IDE: variants seen among roughly 807,000 people sequenced by gnomAD.
IDE encodes the protein insulin-degrading enzyme.
Under a neutral mutation model 133.2 loss-of-function variants are expected in IDE, and 58 were observed. That is an observed-to-expected ratio of 0.44 (90% CI 0.35 to 0.54). The LOEUF (loss-of-function observed/expected upper bound fraction) is 0.54, where lower values mean the gene tolerates loss of function less well. Among genes scored for constraint, IDE ranks in the 20% least tolerant of loss-of-function variants. The pLI is 0.00. For missense variants in IDE, 981 were observed against 1,234.0 expected, an observed-to-expected ratio of 0.79 and a Z score of 3.07; for synonymous variants, 396 against 421.3, an observed-to-expected ratio of 0.94 and a Z score of 0.73.
At chr10:92,539,931 G>A (rs140118299) in intron 1 of IDE, among the ~76,000 whole-genome samples, 1 of 151,882 alleles carries the variant, frequency 6.6e-6, no homozygotes, top group Non-Finnish European at 1.5e-5. Flanking sequence ...TCTAAAGAGG[G>A]GTACAAGGAA....
Position 92,508,711 on chromosome 10 carries a change from C to T in IDE, c.1060+17G>A. The T allele has an allele frequency of 1.2e-6, 2 of 1,610,974 alleles. No homozygotes were observed. The highest frequency in any genetic ancestry group is 1.7e-6 in the Non-Finnish European group (2 of 1,177,300). ...AGATGTGGTGGACACTCAGAAGATG[C>T]TGCCCAGGAGACTTACCCTTTGACT... On this transcript the variant is annotated intron_variant, in intron 7 of 24. Transcript: ENST00000265986.
chr10:92,474,975 C>T lies in IDE; in HGVS notation c.1996-14G>A, dbSNP rs1846171702. 8 of 1,577,934 alleles carry T rather than the reference C, an allele frequency of 5.1e-6. No homozygotes were observed. The highest frequency in any genetic ancestry group is 6.9e-6 in the Non-Finnish European group (8 of 1,165,380). On this transcript the variant is annotated splice_polypyrimidine_tract_variant and intron_variant, in intron 16 of 24. Coordinates refer to ENST00000265986, the MANE Select transcript of IDE (RefSeq NM_004969.4). ...AGATCGCATATACTAGTGAAAGAGA[C>T]ATGCGTTCATTAATTTTATAAATCT...
intron 4 of IDE, among the ~76,000 whole-genome samples, chr10:92,519,470 C>T (rs962740164): frequency 6.6e-6 from 1 of 152,210 alleles, no homozygotes; most frequent in Admixed American, 6.5e-5. Context: ...GGGTTGCTCA[C>T]CTACTGTGAC....
chr10:92,556,379 T>C (rs1438213596), intron 1 of IDE, among the ~76,000 whole-genome samples: 1 of 152,036 alleles, frequency 6.6e-6, no homozygotes, highest in Non-Finnish European at 1.5e-5. Flanking sequence ...TCCTAGCACT[T>C]TGAGAGGCTG....
At chr10:92,538,313 C>T (rs868150864) in intron 1 of IDE, among the ~76,000 whole-genome samples, 1 of 151,686 alleles carries the variant, frequency 6.6e-6, no homozygotes, top group Non-Finnish European at 1.5e-5. Flanking sequence ...AGATCTGGAA[C>T]TCGCAGGTCT....
intron 19 of IDE, among the ~76,000 whole-genome samples, chr10:92,466,417 A>G (rs1845690869): frequency 6.6e-6 from 1 of 151,440 alleles, no homozygotes; most frequent in South Asian, 2.1e-4. Context: ...ACTGGGTTCA[A>G]GCAATTCTCT....
intron 4 of IDE, among the ~76,000 whole-genome samples, chr10:92,520,926 T>C (rs1336986198): frequency 6.6e-6 from 1 of 152,196 alleles, no homozygotes; most frequent in African/African-American, 2.4e-5. Context: ...AATGATTACA[T>C]GGACTAAAAT....
chr10:92,508,312 A>C, intron 7 of IDE, 107 bp from the exon 8 acceptor site: 1 of 850,748 alleles, frequency 1.2e-6, no homozygotes, highest in South Asian at 1.6e-5. Context: ...TATCAGAATG[A>C]ACCTCTTGCG....
intron 1 of IDE, among the ~76,000 whole-genome samples, chr10:92,563,219 C>G (rs1196045772): frequency 6.6e-6 from 1 of 152,042 alleles, no homozygotes; most frequent in Non-Finnish European, 1.5e-5. Flanking sequence ...TCATTGCACT[C>G]CAGCCTGGGC....
intron 13 of IDE, among the ~76,000 whole-genome samples, chr10:92,485,121 CTTTCTTTT>C (rs1250154330): frequency 2.0e-5 from 2 of 101,434 alleles, no homozygotes; most frequent in Admixed American, 1.1e-4. Flanking sequence ...TTCTTTCTTT[CTTTCTTTT>C]TTTTTTTTTT....
chr10:92,532,155 T>C (rs1303124976), intron 3 of IDE, among the ~76,000 whole-genome samples: 2 of 151,192 alleles, frequency 1.3e-5, no homozygotes, highest in Non-Finnish European at 2.9e-5. Context: ...TGATAAACAG[T>C]GAAAATTTAA....
At chr10:92,478,769 G>T (rs1456851588) in intron 15 of IDE, 1 of 1,249,724 alleles carries the variant, frequency 8.0e-7, no homozygotes, top group Admixed American at 2.8e-5. Flanking sequence ...GCAATGGAGA[G>T]GATCAGCATA....
Position 92,503,711 on chromosome 10 carries a change from C to T in IDE, c.1430+1083G>A, listed in dbSNP as rs1286635758. ...AAAGATTCTGATAGGATAGTTCTGT[C>T]AAAAAGACTTTTTTTTTTTTTTTTG... is the stretch of plus-strand genomic sequence containing the variant. On this transcript the variant is annotated intron_variant, in intron 11 of 24. Coordinates refer to ENST00000265986, the MANE Select transcript of IDE (RefSeq NM_004969.4). Among the ~76,000 whole-genome samples, 8 of 149,594 alleles carry T rather than the reference C, an allele frequency of 5.3e-5. 1 individual carries two copies. Among genetic ancestry groups the T allele is most frequent in the Non-Finnish European group, 1.2e-4 (8 of 67,522 alleles).
intron 10 of IDE, among the ~76,000 whole-genome samples, 199 bp downstream of exon 10, chr10:92,506,243 T>C (rs1334691366): frequency 6.6e-6 from 1 of 152,136 alleles, no homozygotes; most frequent in African/African-American, 2.4e-5. Context: ...AATAAAAATA[T>C]TACATAAAAT....
chr10:92,479,669 AAGG>A lies in IDE; in HGVS notation c.1740-251_1740-249del, dbSNP rs573596889. On this transcript the variant is annotated intron_variant, in intron 14 of 24. Coordinates refer to ENST00000265986, the MANE Select transcript of IDE (RefSeq NM_004969.4). Reference sequence around the variant, plus strand: ...TGCGTGCGCACTGGTAGTAGTGAAGAAGGAGAAGGAACTGCCTACCCCAGATGG... The same window carrying A: ...TGCGTGCGCACTGGTAGTAGTGAAGAAGAAGGAACTGCCTACCCCAGATGG... 1.1e-4 allele frequency: 40 copies of A among 361,362 alleles called. No homozygotes were observed. In the East Asian group the frequency reaches 1.7e-3, roughly 16 times the overall value. 22.4% of individuals were successfully genotyped at this position (361,362 alleles called of 1,614,324 possible).
At chr10:92,544,839 A>T (rs1249069097) in intron 1 of IDE, among the ~76,000 whole-genome samples, 1 of 152,242 alleles carries the variant, frequency 6.6e-6, no homozygotes, top group Non-Finnish European at 1.5e-5. Context: ...GATTAAATGT[A>T]TAACAGGTTT....
rs1409530515 is a variant in IDE at position 92,475,975 on chromosome 10, T to C, written c.1904A>G (p.Asn635Ser). The C allele has an allele frequency of 6.7e-7, 1 of 1,500,238 alleles. No individual in the cohort carries two copies. Among genetic ancestry groups the C allele is most frequent in the Non-Finnish European group, 9.2e-7 (1 of 1,089,440 alleles). 92.9% of individuals were successfully genotyped at this position (1,500,238 alleles called of 1,614,324 possible). A position where few individuals can be genotyped will look rare whatever the true frequency, so the allele number is the denominator to read the frequency against. The change falls in exon 16 of 25, where the codon AAT becomes AGT. Residue 635 changes from asparagine (N) to serine (S), a missense_variant. By Grantham distance (46) the Asn-to-Ser change is conservative (BLOSUM62 1). Transcript: ENST00000265986. ...YGMYLSVKGY[N>S]DKQPILLKKI... ...CTTTAGTAAAATTGGCTGCTTGTCA[T>C]TGTAACCTTTCACTGAAAGCTACAG...
chr10:92,507,805 T>C, intron 8 of IDE, 139 bp from the exon 9 acceptor site: 1 of 649,536 alleles, frequency 1.5e-6, no homozygotes, highest in East Asian at 2.7e-5. Flanking sequence ...GAGACTGGCT[T>C]TACGTGTCCC....
intron 23 of IDE, 49 bp from the exon 24 acceptor site, chr10:92,455,692 C>CAA: frequency 1.1e-6 from 1 of 928,842 alleles, no homozygotes; most frequent in Non-Finnish European, 1.6e-6. Context: ...GATACTATCA[C>CAA]AAAAGAACAA....
Sources: allele counts gnomAD v4.1 joint callset (sites outside exome capture counted in the v4.1 genomes callset), GRCh38; gene constraint gnomAD v4.1.1; transcripts MANE v1.5; gene names NCBI Gene and HGNC (gene_info 2026-07-23, HGNC 2026-07-21).